Variants in AGTPBP1 observed in about 807,000 individuals in gnomAD.
AGTPBP1 encodes ATP/GTP binding carboxypeptidase 1, also known as cytosolic carboxypeptidase 1.
AGTPBP1 carries 70 observed loss-of-function variants against 143.9 expected under a neutral mutation model. The ratio of observed to expected loss-of-function variants is 0.49; its 90% CI spans 0.40 to 0.59. The LOEUF (loss-of-function observed/expected upper bound fraction) is 0.59. AGTPBP1 is among the 20% of genes least tolerant of loss of function. AGTPBP1 has a pLI of 0.00. For synonymous variants in AGTPBP1, 463 were observed against 500.2 expected, an observed-to-expected ratio of 0.93 and a Z score of 0.99; for missense variants, 1,229 against 1,464.5, an observed-to-expected ratio of 0.84 and a Z score of 2.62.
chr9:85,742,008 A>C (rs985107968), upstream of AGTPBP1: 4 of 1,206,592 alleles, frequency 3.3e-6, no homozygotes, highest in Non-Finnish European at 4.1e-6. Flanking sequence ...ACGCCTTGCC[A>C]GCCGGCTCCC....
chr9:85,571,739 T>C (rs896828673), intron 25 of AGTPBP1, among the ~76,000 whole-genome samples: 1 of 152,194 alleles, frequency 6.6e-6, no homozygotes, highest in Non-Finnish European at 1.5e-5. Context: ...CATGATAGTC[T>C]TGCCAAAGAT....
intron 25 of AGTPBP1, among the ~76,000 whole-genome samples, chr9:85,572,821 G>A (rs1261333835): frequency 6.6e-6 from 1 of 152,154 alleles, no homozygotes; most frequent in Non-Finnish European, 1.5e-5. Flanking sequence ...GATAGAGAAT[G>A]CAGGTGATTA....
At chr9:85,704,479 G>C (rs1461094206) in intron 2 of AGTPBP1, among the ~76,000 whole-genome samples, 3 of 152,154 alleles carry the variant, frequency 2.0e-5, no homozygotes, top group Non-Finnish European at 4.4e-5. Flanking sequence ...AAAATCTCAT[G>C]ATTAGCAGAA....
chr9:85,736,601 T>C (rs1823793800), intron 1 of AGTPBP1, among the ~76,000 whole-genome samples: 1 of 152,228 alleles, frequency 6.6e-6, no homozygotes, highest in Admixed American at 6.5e-5. Context: ...AGACTGTCAC[T>C]ACCACTTCAC....
chr9:85,696,713 T>A (rs567494669), intron 2 of AGTPBP1, among the ~76,000 whole-genome samples: 1 of 152,010 alleles, frequency 6.6e-6, no homozygotes, highest in South Asian at 2.1e-4. Flanking sequence ...TTGATTTGCA[T>A]AATTAAATCA....
chr9:85,600,650 G>A (rs1459941120), intron 17 of AGTPBP1, among the ~76,000 whole-genome samples: 1 of 152,200 alleles, frequency 6.6e-6, no homozygotes, highest in South Asian at 2.1e-4. Context: ...CCTAGCCAGG[G>A]GGGAGCCCTC....
intron 3 of AGTPBP1, among the ~76,000 whole-genome samples, chr9:85,682,372 A>T (rs544277191): frequency 2.0e-5 from 3 of 152,106 alleles, no homozygotes; most frequent in Admixed American, 2.0e-4. Flanking sequence ...CTGGGGAAAA[A>T]AAACTACTCT....
chr9:85,719,558 G>C (rs943140982), intron 1 of AGTPBP1, among the ~76,000 whole-genome samples: 1 of 152,152 alleles, frequency 6.6e-6, no homozygotes, highest in Admixed American at 6.5e-5. Flanking sequence ...AAGAGATTAG[G>C]GGCTCAGACA....
chr9:85,654,763 A>AGGTTCTC (rs1833388045), intron 11 of AGTPBP1, among the ~76,000 whole-genome samples: 1 of 152,080 alleles, frequency 6.6e-6, no homozygotes, highest in Non-Finnish European at 1.5e-5. Context: ...GAATTGCTTG[A>AGGTTCTC]ACACGGGAGG....
the AGTPBP1 span, among the ~76,000 whole-genome samples, chr9:85,761,807 C>T: frequency 6.6e-6 from 1 of 152,210 alleles, no homozygotes; most frequent in Non-Finnish European, 1.5e-5. Flanking sequence ...TTCTGCACAG[C>T]AAAAGAAACT....
At chr9:85,790,771 T>C in the AGTPBP1 span, among the ~76,000 whole-genome samples, 126 of 152,284 alleles carry the variant, frequency 8.3e-4, 1 homozygote, top group African/African-American at 8.2e-4. Context: ...CACAGCTCTA[T>C]TGAGTTATCT....
chr9:85,601,494 G>T (rs1829666739), intron 17 of AGTPBP1, among the ~76,000 whole-genome samples: 1 of 152,170 alleles, frequency 6.6e-6, no homozygotes, highest in East Asian at 1.9e-4. Flanking sequence ...CACCTCATCT[G>T]CCACTACCAC....
the AGTPBP1 span, among the ~76,000 whole-genome samples, chr9:85,747,388 TGGG>T: frequency 2.0e-5 from 3 of 152,230 alleles, no homozygotes; most frequent in East Asian, 3.8e-4. Flanking sequence ...AATTTGAGGA[TGGG>T]CTTTTCCATT....
rs1297631134 is a variant in AGTPBP1, at chr9:85,719,447, T to A, written c.-33-6881A>T. ...GAAGCAATTGTGAATGGGAGGTCACTCATGATTTGGCTCTGTCTGTAATTG... is the reference window on the plus strand; with the variant it reads ...GAAGCAATTGTGAATGGGAGGTCACACATGATTTGGCTCTGTCTGTAATTG... On this transcript the variant is annotated intron_variant, in intron 1 of 25. Coordinates refer to ENST00000357081, the MANE Select transcript of AGTPBP1 (RefSeq NM_001330701.2). Among the ~76,000 whole-genome samples, 11 of 152,218 alleles carry A rather than the reference T, an allele frequency of 7.2e-5. No individual in the cohort carries two copies. In the East Asian group the frequency reaches 7.7e-4, roughly 11 times the overall value.
the AGTPBP1 span, among the ~76,000 whole-genome samples, chr9:85,804,223 C>T: frequency 6.6e-6 from 1 of 152,128 alleles, no homozygotes; most frequent in African/African-American, 2.4e-5. Context: ...TCTTAGGCCC[C>T]ATACTCCTTT....
intron 25 of AGTPBP1, among the ~76,000 whole-genome samples, chr9:85,571,869 G>A (rs978552828): frequency 1.3e-5 from 2 of 152,066 alleles, no homozygotes; most frequent in African/African-American, 2.4e-5. Flanking sequence ...ATTCATTTGA[G>A]ATAGACAAAG....
chr9:85,765,551 T>TG, the AGTPBP1 span, among the ~76,000 whole-genome samples: 35 of 152,308 alleles, frequency 2.3e-4, no homozygotes, highest in African/African-American at 8.2e-4. Context: ...GATTCATTTA[T>TG]GGGCTGTCAA....
chr9:85,750,525 C>G, the AGTPBP1 span, among the ~76,000 whole-genome samples: 1 of 152,286 alleles, frequency 6.6e-6, no homozygotes, highest in Non-Finnish European at 1.5e-5. Context: ...AAAATGTAAA[C>G]ACTTCCTTTA....
At position 85,657,543 on chromosome 9, in the gene AGTPBP1, G is replaced by A. The variant is rs1833600453; in HGVS notation, c.801C>T (p.Leu267=). The change falls in exon 10 of 26, where the codon CTC becomes CTT. Residue 267 remains leucine, a synonymous_variant. Coordinates refer to ENST00000357081, the MANE Select transcript of AGTPBP1 (RefSeq NM_001330701.2). ...AACTCTGTAAAATTCCTTTCCGAAT[G>A]AGCATGTTTCTATGCCGGTTATCAT... ...HRHDNRHRNM[L]IRKGILQSLK... 6.2e-7 allele frequency: 1 copy of A among 1,613,780 alleles called. No individual in the cohort carries two copies. The highest frequency in any genetic ancestry group is 1.1e-5 in the South Asian group (1 of 91,072).
Sources: allele counts gnomAD v4.1 joint callset (sites outside exome capture counted in the v4.1 genomes callset), GRCh38; gene constraint gnomAD v4.1.1; transcripts MANE v1.5; gene names NCBI Gene and HGNC (gene_info 2026-07-23, HGNC 2026-07-21).